The following BCL2 variants were observed in gnomAD, a reference collection of about 807,000 sequenced individuals.
The protein encoded by BCL2 is apoptosis regulator Bcl-2.
A neutral mutation model predicts 14.2 loss-of-function variants in BCL2; 1 was observed. The observed-to-expected ratio is 0.07, with a 90% CI of 0.02 to 0.33. The LOEUF (loss-of-function observed/expected upper bound fraction) is 0.33, where lower values mean the gene tolerates loss of function less well. Ranked by LOEUF, BCL2 falls within the 10% of genes least tolerant of loss-of-function variation. BCL2 has a pLI of 0.99. For synonymous variants in BCL2, 151 were observed against 137.2 expected (o/e 1.10, Z -0.70); for missense variants, 247 against 305.9 (o/e 0.81, Z 1.44).
At chr18:63,243,663 G>A (rs17070877) in intron 2 of BCL2, among the ~76,000 whole-genome samples, 1 of 152,130 alleles carries the variant, frequency 6.6e-6, no homozygotes, top group Non-Finnish European at 1.5e-5. Flanking sequence ...CCGGGAAATC[G>A]AGCATGGGAA....
At chr18:63,212,675 G>C (rs1356304639) in intron 2 of BCL2, among the ~76,000 whole-genome samples, 2 of 152,084 alleles carry the variant, frequency 1.3e-5, no homozygotes, top group African/African-American at 4.8e-5. Flanking sequence ...AGGAGTTCGA[G>C]AGCAGCCTGG....
chr18:63,240,016 G>T (rs1910954529), intron 2 of BCL2, among the ~76,000 whole-genome samples: 1 of 152,116 alleles, frequency 6.6e-6, no homozygotes, highest in Non-Finnish European at 1.5e-5. Context: ...TTAAGACAGG[G>T]TCTCGCTGTG....
intron 2 of BCL2, among the ~76,000 whole-genome samples, chr18:63,159,838 TC>T (rs760817070): frequency 4.6e-5 from 7 of 152,230 alleles, no homozygotes; most frequent in Non-Finnish European, 7.3e-5. Context: ...TGCAAAGATT[TC>T]CCCGCACAGT....
intron 2 of BCL2, among the ~76,000 whole-genome samples, chr18:63,212,236 C>G (rs11874082): frequency 0.79 from 119,030 of 151,174 alleles, 47,757 homozygotes; most frequent in African/African-American, 0.89. Context: ...TGAGGCGAGA[C>G]AGAATTGCTT....
intron 2 of BCL2, among the ~76,000 whole-genome samples, chr18:63,133,319 ATTTTTT>A (rs34022610): frequency 2.0e-4 from 21 of 103,382 alleles, no homozygotes; most frequent in African/African-American, 2.9e-4. Context: ...ACCTTCAAGA[ATTTTTT>A]TTTTTTTTTT....
chr18:63,174,907 G>A (rs1229533303), intron 2 of BCL2, among the ~76,000 whole-genome samples: 1 of 151,232 alleles, frequency 6.6e-6, no homozygotes, highest in Non-Finnish European at 1.5e-5. Flanking sequence ...TAAATTTTGT[G>A]GAATTCCATT....
intron 2 of BCL2, among the ~76,000 whole-genome samples, chr18:63,297,446 T>A (rs546660352): frequency 1.3e-5 from 2 of 152,202 alleles, no homozygotes; most frequent in African/African-American, 4.8e-5. Flanking sequence ...TCAATTCAGA[T>A]TGGCCACATT....
chr18:63,317,994 C>G, intron 2 of BCL2, 88 bp downstream of exon 2: 1 of 1,530,416 alleles, frequency 6.5e-7, no homozygotes, highest in Non-Finnish European at 8.8e-7. Context: ...CCACAGCCTC[C>G]CATTGCCCCA....
At chr18:63,311,437 T>C (rs766839672) in intron 2 of BCL2, among the ~76,000 whole-genome samples, 20 of 152,152 alleles carry the variant, frequency 1.3e-4, no homozygotes, top group Non-Finnish European at 5.9e-5. Flanking sequence ...TAAGGAAATA[T>C]GGTAACTGGA....
intron 2 of BCL2, among the ~76,000 whole-genome samples, chr18:63,261,814 C>T (rs1376176301): frequency 6.7e-6 from 1 of 149,276 alleles, no homozygotes; most frequent in Non-Finnish European, 1.5e-5. Flanking sequence ...TATTTTGAGA[C>T]AGAATCTCGC....
intron 2 of BCL2, among the ~76,000 whole-genome samples, chr18:63,187,320 TA>T (rs1915613647): frequency 6.6e-6 from 1 of 152,238 alleles, no homozygotes; most frequent in Admixed American, 6.5e-5. Context: ...GTCAACTAAG[TA>T]ACCTGTAGTC....
intron 2 of BCL2, among the ~76,000 whole-genome samples, chr18:63,185,987 T>C (rs1915585788): frequency 6.6e-6 from 1 of 152,240 alleles, no homozygotes; most frequent in Admixed American, 6.5e-5. Flanking sequence ...TTAAATATTA[T>C]AAATCCCTCA....
chr18:63,252,979 T>A (rs1268032050), intron 2 of BCL2, among the ~76,000 whole-genome samples: 2 of 152,166 alleles, frequency 1.3e-5, no homozygotes, highest in Non-Finnish European at 2.9e-5. Flanking sequence ...TCCCGATTTT[T>A]AAAAAGTGAA....
chr18:63,229,251 C>T (rs1394918280), intron 2 of BCL2, among the ~76,000 whole-genome samples: 1 of 151,894 alleles, frequency 6.6e-6, no homozygotes, highest in African/African-American at 2.4e-5. Context: ...AATCATTTTA[C>T]ATGTATTCAA....
chr18:63,290,793 C>T (rs1226950885), intron 2 of BCL2, among the ~76,000 whole-genome samples: 2 of 152,158 alleles, frequency 1.3e-5, no homozygotes, highest in Non-Finnish European at 2.9e-5. Context: ...AAAAGAATAA[C>T]CTAATTCATT....
intron 2 of BCL2, among the ~76,000 whole-genome samples, chr18:63,294,506 TA>T (rs1912746827): frequency 6.6e-6 from 1 of 151,892 alleles, no homozygotes; most frequent in Admixed American, 6.6e-5. Flanking sequence ...CTGTCTCTAC[TA>T]AAAATACAAA....
intron 2 of BCL2, among the ~76,000 whole-genome samples, chr18:63,214,277 G>A (rs967350084): frequency 2.6e-5 from 4 of 152,218 alleles, no homozygotes; most frequent in African/African-American, 9.6e-5. Flanking sequence ...ACCCAGTGAG[G>A]AGGGAAAAGG....
chr18:63,313,622 T>C (rs1349603573), intron 2 of BCL2, among the ~76,000 whole-genome samples: 1 of 152,230 alleles, frequency 6.6e-6, no homozygotes, highest in Non-Finnish European at 1.5e-5. Context: ...GCTGAGATAC[T>C]GCTTTGCTAA....
At position 63,183,053 on chromosome 18, in the gene BCL2, G is replaced by A. The variant is rs567428792; in HGVS notation, c.586-54294C>T. Reference sequence around the variant, plus strand: ...GACGAATCTCTGTCAATGCACAAATGAGCAGATGCATGTCACACTGATGGT... The same window carrying A: ...GACGAATCTCTGTCAATGCACAAATAAGCAGATGCATGTCACACTGATGGT... On this transcript the variant is annotated intron_variant, in intron 2 of 2. Transcript: ENST00000333681. Among the ~76,000 whole-genome samples the A allele has an allele frequency of 6.4e-4, 98 of 152,310 alleles. 2 individuals are homozygous for A. The highest frequency in any genetic ancestry group is 6.2e-3 in the Admixed American group (95 of 15,306).
Sources: allele counts gnomAD v4.1 joint callset (sites outside exome capture counted in the v4.1 genomes callset), GRCh38; gene constraint gnomAD v4.1.1; transcripts MANE v1.5; gene names NCBI Gene and HGNC (gene_info 2026-07-23, HGNC 2026-07-21).